Variants in MPDZ observed in about 807,000 individuals in gnomAD.
The protein encoded by MPDZ is multiple PDZ domain protein.
In MPDZ, 234 loss-of-function variants were observed where a neutral mutation model predicts 239.1. That is an observed-to-expected ratio of 0.98 (90% CI 0.88 to 1.09). The LOEUF (loss-of-function observed/expected upper bound fraction) is 1.09, where lower values mean the gene tolerates loss of function less well. MPDZ is among the 50% of genes least tolerant of loss of function. The pLI is 0.00. For synonymous variants in MPDZ, 1,048 were observed against 881.3 expected (o/e 1.19, Z -3.35); for missense variants, 3,175 against 2,510.0 (o/e 1.26, Z -5.66).
At chr9:13,277,620 A>T (rs1037360099) in intron 1 of MPDZ, among the ~76,000 whole-genome samples, 1 of 152,144 alleles carries the variant, frequency 6.6e-6, no homozygotes, top group African/African-American at 2.4e-5. Context: ...GCCGGAGTGC[A>T]GTGGCGCGAT....
intron 39 of MPDZ, among the ~76,000 whole-genome samples, chr9:13,115,835 C>T (rs537055277): frequency 1.3e-5 from 2 of 151,602 alleles, no homozygotes; most frequent in South Asian, 4.2e-4. Flanking sequence ...GTCCCAGCTA[C>T]TCAGGAGGCT....
rs529577135 is a variant in MPDZ at position 13,199,232 on chromosome 9, G to C, written c.1547-3002C>G. Among the ~76,000 whole-genome samples, 26 of 151,904 alleles carry C rather than the reference G, an allele frequency of 1.7e-4. No homozygotes were observed. In the East Asian group the frequency reaches 5.1e-3, roughly 30 times the overall value. ...CACTGCAGAAATCTTTTACTTCTTTGTTTACATTTATTCCTAGGTATTTTA... is the reference window on the plus strand; with the variant it reads ...CACTGCAGAAATCTTTTACTTCTTTCTTTACATTTATTCCTAGGTATTTTA... On this transcript the variant is annotated intron_variant, in intron 12 of 46. Transcript: ENST00000319217.
rs533793372 is a variant in MPDZ at position 13,107,864 on chromosome 9, A to C, written c.6067-753T>G. Among the ~76,000 whole-genome samples the C allele has an allele frequency of 7.8e-4, 119 of 152,292 alleles. 1 individual carries two copies. Among genetic ancestry groups the C allele is most frequent in the African/African-American group, 2.4e-3 (98 of 41,578 alleles). On this transcript the variant is annotated intron_variant, in intron 46 of 46. Coordinates refer to ENST00000319217, the MANE Select transcript of MPDZ (RefSeq NM_001378778.1). ...GTTAATGAGGAATCCATAATGATGA[A>C]ATTCTTAAAATATGTTCTAACTAGC...
Position 13,125,263 on chromosome 9 carries a change from G to T in MPDZ, c.4760C>A (p.Ser1587Tyr). ...ASGEKKNSSQSLMVPQSGSPE... is the reference protein window; with the variant it reads ...ASGEKKNSSQYLMVPQSGSPE... ...GGAGCCAGACTGTGGGACCATCAGA[G>T]ACTGGGAGCTGTTCTTTTTTTCTCC... The change falls in exon 35 of 47, where the codon TCT becomes TAT. Residue 1587 changes from serine to tyrosine, a missense_variant. Transcript: ENST00000319217. 1 of 1,613,078 alleles carries T rather than the reference G, an allele frequency of 6.2e-7. No homozygotes were observed. The highest frequency in any genetic ancestry group is 1.3e-5 in the African/African-American group (1 of 75,028).
chr9:13,260,540 G>GC (rs1204314921), intron 1 of MPDZ, among the ~76,000 whole-genome samples: 3 of 152,132 alleles, frequency 2.0e-5, no homozygotes, highest in Non-Finnish European at 4.4e-5. Flanking sequence ...GAACTGTGTT[G>GC]CCCAAAATTC....
At chr9:13,229,341 G>T (rs1017708045) in intron 3 of MPDZ, among the ~76,000 whole-genome samples, 1 of 151,846 alleles carries the variant, frequency 6.6e-6, no homozygotes, top group African/African-American at 2.4e-5. Flanking sequence ...AGAAATACTG[G>T]CCATCTTAGA....
chr9:13,213,217 T>G (rs934602772), intron 10 of MPDZ, among the ~76,000 whole-genome samples: 2 of 152,012 alleles, frequency 1.3e-5, no homozygotes, highest in African/African-American at 2.4e-5. Flanking sequence ...TACCAACATA[T>G]GAAATGGGAA....
intron 23 of MPDZ, 38 bp from the exon 24 acceptor site, chr9:13,158,148 T>C (rs1278196759): frequency 1.3e-6 from 2 of 1,531,652 alleles, no homozygotes; most frequent in Non-Finnish European, 1.8e-6. Context: ...CCCAAAATCC[T>C]AGTAAAAACA....
rs1202041034 is a variant in MPDZ, at chr9:13,138,265, G to C, written c.4004-112C>G. On this transcript the variant is annotated intron_variant, in intron 28 of 46. Coordinates refer to ENST00000319217, the MANE Select transcript of MPDZ (RefSeq NM_001378778.1). ...AAAAGGACAGATTTTATACCAAAAT[G>C]TACGCTTTGACAGTTAAAAGCTAAA... 6 of 1,185,476 alleles carry C rather than the reference G, an allele frequency of 5.1e-6. No individual in the cohort carries two copies. In the Admixed American group the frequency reaches 1.9e-4, roughly 37 times the overall value. 73.4% of individuals were successfully genotyped at this position (1,185,476 alleles called of 1,614,324 possible).
chr9:13,233,100 T>G (rs1280943204), intron 3 of MPDZ, among the ~76,000 whole-genome samples: 1 of 152,080 alleles, frequency 6.6e-6, no homozygotes, highest in African/African-American at 2.4e-5. Flanking sequence ...CTAAATATCG[T>G]GAGAGAGTTG....
chr9:13,159,508 T>C (rs902612059), intron 23 of MPDZ, among the ~76,000 whole-genome samples: 1 of 151,608 alleles, frequency 6.6e-6, no homozygotes, highest in African/African-American at 2.4e-5. Context: ...GGCAGAGAGG[T>C]AAAAATTAGC....
At chr9:13,220,224 T>C (rs1167111587) in intron 7 of MPDZ, among the ~76,000 whole-genome samples, 2 of 151,978 alleles carry the variant, frequency 1.3e-5, no homozygotes, top group Non-Finnish European at 2.9e-5. Flanking sequence ...CTATTATAAA[T>C]GTCCCAAAAG....
At chr9:13,168,291 A>G (rs1323526700) in intron 22 of MPDZ, 75 bp downstream of exon 22, 11 of 1,368,400 alleles carry the variant, frequency 8.0e-6, no homozygotes, top group Non-Finnish European at 1.1e-5. Flanking sequence ...AACAGAAGTG[A>G]ATACTGAAAA....
At position 13,110,042 on chromosome 9, in the gene MPDZ, C is replaced by T. The variant is rs371301979; in HGVS notation, c.5852G>A (p.Ser1951Asn). 4 of 1,612,978 alleles carry T rather than the reference C, an allele frequency of 2.5e-6. No homozygotes were observed. Among genetic ancestry groups the T allele is most frequent in the South Asian group, 1.1e-5 (1 of 90,908 alleles). The change falls in exon 45 of 47, where the codon AGT becomes AAT. Residue 1951 changes from serine (S) to asparagine (N), a missense_variant. Transcript: ENST00000319217. ...CTCCTGCTGATGACCTGTGACCACA[C>T]TCACGTCTCCTCCAGCAACCACCTG... Reference protein sequence around the residue: ...EMQVVAGGDVSVVTGHQQEPA... With the variant: ...EMQVVAGGDVNVVTGHQQEPA...
At chr9:13,116,918 T>C (rs966158783) in intron 39 of MPDZ, among the ~76,000 whole-genome samples, 2 of 152,146 alleles carry the variant, frequency 1.3e-5, no homozygotes, top group Non-Finnish European at 2.9e-5. Context: ...CTCTGTCTTA[T>C]ATTCCCCACT....
intron 22 of MPDZ, among the ~76,000 whole-genome samples, chr9:13,166,883 G>A (rs1018719416): frequency 1.7e-4 from 26 of 152,226 alleles, no homozygotes; most frequent in African/African-American, 5.3e-4. Context: ...CATGACTTAT[G>A]CCAAACTGGT....
chr9:13,188,210 C>T (rs373246604), intron 17 of MPDZ, among the ~76,000 whole-genome samples: 2 of 152,180 alleles, frequency 1.3e-5, no homozygotes, highest in East Asian at 3.9e-4. Flanking sequence ...TTAATCATGA[C>T]CTTATTATCA....
At chr9:13,119,701 T>A (rs1188000125) in intron 38 of MPDZ, 52 bp from the exon 39 acceptor site, 3 of 1,607,450 alleles carry the variant, frequency 1.9e-6, no homozygotes, top group South Asian at 2.2e-5. Flanking sequence ...TGTAATGCAA[T>A]GCTTATTTAA....
chr9:13,106,985 T>G lies in MPDZ; in HGVS notation c.6193A>C (p.Thr2065Pro). The G allele has an allele frequency of 6.2e-7, 1 of 1,613,716 alleles. No homozygotes were observed. Among genetic ancestry groups the G allele is most frequent in the East Asian group, 2.2e-5 (1 of 44,880 alleles). ...CCAATTCAAGAGAGAACCATCAAAG[T>G]GACAGTGCCTTTTGTCCGTTTAAGG... ...AILKRTKGTV[T>P]LMVLS Residue 2065 changes from threonine (T) to proline (P), a missense_variant, in exon 47 of 47, where the codon ACT becomes CCT. Physicochemically the swap from Thr to Pro is conservative, Grantham distance 38 (BLOSUM62 -1). Transcript: ENST00000319217.
Sources: allele counts gnomAD v4.1 joint callset (sites outside exome capture counted in the v4.1 genomes callset), GRCh38; gene constraint gnomAD v4.1.1; transcripts MANE v1.5; gene names NCBI Gene and HGNC (gene_info 2026-07-23, HGNC 2026-07-21).